Variants in PDCD11 observed in about 807,000 individuals in gnomAD.
PDCD11 encodes the protein protein RRP5 homolog.
In PDCD11, 97 loss-of-function variants were observed where a neutral mutation model predicts 198.9. That is an observed-to-expected ratio of 0.49 (90% CI 0.41 to 0.58). The LOEUF (loss-of-function observed/expected upper bound fraction) is 0.58, where lower values mean the gene tolerates loss of function less well. Among genes scored for constraint, PDCD11 ranks in the 20% least tolerant of loss-of-function variants. The pLI is 0.00. For synonymous variants in PDCD11, 893 were observed against 918.0 expected (o/e 0.97, Z 0.49); for missense variants, 2,102 against 2,312.7 (o/e 0.91, Z 1.87).
chr10:103,414,914 T>C lies in PDCD11; in HGVS notation c.1372-91T>C, dbSNP rs1592121914. ...GGCACAGTTAGCCCAGGAAGTTGGC[T>C]GTGAAGGGGAGGTATGACATGCCTT... On this transcript the variant is annotated intron_variant, in intron 11 of 35. Coordinates refer to ENST00000369797, the MANE Select transcript of PDCD11 (RefSeq NM_014976.2). The C allele has an allele frequency of 1.4e-5, 19 of 1,378,926 alleles. 1 individual carries two copies. In the East Asian group the frequency reaches 4.4e-4, roughly 32 times the overall value. 85.4% of individuals were successfully genotyped at this position (1,378,926 alleles called of 1,614,324 possible). A position where few individuals can be genotyped will look rare whatever the true frequency, so the allele number is the denominator to read the frequency against.
chr10:103,432,678 C>T (rs545291248), intron 22 of PDCD11, among the ~76,000 whole-genome samples: 37 of 152,260 alleles, frequency 2.4e-4, no homozygotes, highest in South Asian at 2.3e-3. Context: ...GTAGGAGAGG[C>T]GGCTGGATTG....
chr10:103,419,708 T>C lies in PDCD11; in HGVS notation c.2277T>C (p.Ala759=), dbSNP rs2031316072. ...GTCTTAGCGGACTGGCCCCAAAAGC[T>C]GTAAGTTCAACTCCATGTACAAGGG... ...PSGLSGLAPK[A]IMSDKFVTST... The change falls in exon 16 of 36, where the codon GCT becomes GCC. Residue 759 remains alanine (A), a splice_region_variant and synonymous_variant. Coordinates refer to ENST00000369797, the MANE Select transcript of PDCD11 (RefSeq NM_014976.2). 6.2e-7 allele frequency: 1 copy of C among 1,613,586 alleles called. No individual in the cohort carries two copies. The highest frequency in any genetic ancestry group is 1.3e-5 in the African/African-American group (1 of 74,874).
chr10:103,434,377 G>A (rs766810341), intron 24 of PDCD11, 27 bp downstream of exon 24: 8 of 1,441,774 alleles, frequency 5.5e-6, no homozygotes, highest in East Asian at 4.5e-5. Flanking sequence ...GTGCCTGGTC[G>A]GGGAAGGGGA....
chr10:103,423,537 C>T lies in PDCD11; in HGVS notation c.2648-6C>T. The T allele has an allele frequency of 6.2e-7, 1 of 1,602,864 alleles. No individual in the cohort carries two copies. Among genetic ancestry groups the T allele is most frequent in the Non-Finnish European group, 8.5e-7 (1 of 1,169,766 alleles). On this transcript the variant is annotated splice_polypyrimidine_tract_variant and splice_region_variant and intron_variant, in intron 18 of 35. Coordinates refer to ENST00000369797, the MANE Select transcript of PDCD11 (RefSeq NM_014976.2). ...AGGATAATCACACTGTGGTTCTGCA[C>T]TGCAGGGCAGGAGGTGGAATCTGGG...
chr10:103,418,937 C>T (rs1256429961), intron 15 of PDCD11, among the ~76,000 whole-genome samples: 1 of 151,618 alleles, frequency 6.6e-6, no homozygotes, highest in African/African-American at 2.4e-5. Flanking sequence ...TCAGTGCCTG[C>T]CCCTTGGGTT....
At chr10:103,407,550 G>C (rs902172013) in intron 7 of PDCD11, among the ~76,000 whole-genome samples, 1 of 152,044 alleles carries the variant, frequency 6.6e-6, no homozygotes, top group South Asian at 2.1e-4. Context: ...GCGACTGTGC[G>C]AGACTCCGTC....
Position 103,423,000 on chromosome 10 carries a change from TC to T in PDCD11, c.2512del (p.Gln838ArgfsTer6). On this transcript the variant is annotated frameshift_variant, in exon 18 of 36. Transcript: ENST00000369797. LOFTEE classifies it high-confidence loss of function. ...SLMSNRDSVL[I>X]QTLAEMTPGM... is the part of the protein sequence containing the mutation. ...GGATCTCTGGCAGACTCTGTGTTGA[TC>T]CAGACGCTGGCCGAGATGACCCCAG... The T allele has an allele frequency of 6.4e-7, 1 of 1,563,248 alleles. No individual in the cohort carries two copies. Among genetic ancestry groups the T allele is most frequent in the Non-Finnish European group, 8.7e-7 (1 of 1,156,012 alleles).
At chr10:103,433,426 G>C (rs2133737325) in intron 22 of PDCD11, among the ~76,000 whole-genome samples, 1 of 152,288 alleles carries the variant, frequency 6.6e-6, no homozygotes, top group East Asian at 1.9e-4. Flanking sequence ...GAACCCAGGA[G>C]GTGGAGATTG....
Position 103,422,989 on chromosome 10 carries a change from C to T in PDCD11, c.2499C>T (p.Asp833=), listed in dbSNP as rs571236772. The T allele has an allele frequency of 5.9e-6, 9 of 1,532,274 alleles. No individual in the cohort carries two copies. The highest frequency in any genetic ancestry group is 2.8e-5 in the African/African-American group (2 of 71,462). 94.9% of individuals were successfully genotyped at this position (1,532,274 alleles called of 1,614,324 possible). ...QGVRSLMSNR[D]SVLIQTLAEM... is the part of the protein sequence containing the mutation. Reference sequence around the variant, plus strand: ...GTGTTTCCTTTGGATCTCTGGCAGACTCTGTGTTGATCCAGACGCTGGCCG... The same window carrying T: ...GTGTTTCCTTTGGATCTCTGGCAGATTCTGTGTTGATCCAGACGCTGGCCG... Residue 833 remains aspartate (D), a splice_region_variant and synonymous_variant, in exon 18 of 36, where the codon GAC becomes GAT. Coordinates refer to ENST00000369797, the MANE Select transcript of PDCD11 (RefSeq NM_014976.2).
At chr10:103,434,639 C>A in intron 24 of PDCD11, 159 bp from the exon 25 acceptor site, 1 of 621,952 alleles carries the variant, frequency 1.6e-6, no homozygotes, top group Non-Finnish European at 2.7e-6. Context: ...TCCTTGGCTA[C>A]ATGGCAGGGT....
In PDCD11 at chr10:103,442,989, G is replaced by T. The variant is rs530144955; in HGVS notation, c.4956-176G>T. On this transcript the variant is annotated intron_variant, in intron 32 of 35. Coordinates refer to ENST00000369797, the MANE Select transcript of PDCD11 (RefSeq NM_014976.2). ...ACTCAGCCATTGGGGTTGGGGCAGG[G>T]GTTTCTAATGCTGCAGGAGCTGTGG... Among the ~76,000 whole-genome samples, 5 of 152,288 alleles carry T rather than the reference G, an allele frequency of 3.3e-5. No homozygotes were observed. In the South Asian group the frequency reaches 1.0e-3, roughly 32 times the overall value.
intron 4 of PDCD11, among the ~76,000 whole-genome samples, chr10:103,403,850 T>C (rs2030272493): frequency 6.6e-6 from 1 of 152,090 alleles, no homozygotes; most frequent in African/African-American, 2.4e-5. Flanking sequence ...CATTGCTTGG[T>C]GATAGATTCA....
chr10:103,414,278 T>C lies in PDCD11; in HGVS notation c.1319T>C (p.Ile440Thr), dbSNP rs750624003. The C allele has an allele frequency of 1.2e-6, 2 of 1,613,730 alleles. No homozygotes were observed. The highest frequency in any genetic ancestry group is 1.1e-5 in the South Asian group (1 of 91,064). ...TTTTCTCCTTGTCCTAGGTCTATTA[T>C]TGAAGCTCAGTACCTTAGATATCAT... ...LALLSLRTSI[I>T]EAQYLRYHDI... Residue 440 changes from isoleucine to threonine, a missense_variant, in exon 11 of 36, where the codon ATT (isoleucine) becomes ACT (threonine). Ile to Thr is a moderately conservative substitution (Grantham distance 89, BLOSUM62 -1). Transcript: ENST00000369797.
At chr10:103,400,782 G>A (rs1016507300) in intron 3 of PDCD11, among the ~76,000 whole-genome samples, 2 of 152,048 alleles carry the variant, frequency 1.3e-5, no homozygotes, top group African/African-American at 4.8e-5. Context: ...AGACAGGCCT[G>A]ACTCTGTTGC....
In PDCD11 at chr10:103,440,505, A is replaced by G. The variant is rs1392606684; in HGVS notation, c.4364A>G (p.Lys1455Arg). 6.2e-7 allele frequency: 1 copy of G among 1,613,758 alleles called. No homozygotes were observed. Among genetic ancestry groups the G allele is most frequent in the East Asian group, 2.2e-5 (1 of 44,884 alleles). The change falls in exon 29 of 36, where the codon AAG (lysine) becomes AGG (arginine). Residue 1455 changes from lysine (K) to arginine (R), a missense_variant. Physicochemically the swap from Lys to Arg is conservative, Grantham distance 26. Coordinates refer to ENST00000369797, the MANE Select transcript of PDCD11 (RefSeq NM_014976.2). ...CAGGAGGAGGTGGAGATGCCCAGCA[A>G]GGAGAAGCAACAGCCCCAGAAGCCA... Reference protein sequence around the residue: ...KGQEEVEMPSKEKQQPQKPQA... With the variant: ...KGQEEVEMPSREKQQPQKPQA...
chr10:103,415,009 C>T lies in PDCD11; in HGVS notation c.1376C>T (p.Thr459Ile). 6.2e-7 allele frequency: 1 copy of T among 1,614,092 alleles called. No homozygotes were observed. The highest frequency in any genetic ancestry group is 8.5e-7 in the Non-Finnish European group (1 of 1,180,016). ...DIEPGAVVKG[T>I]VLTIKSYGML... is the part of the protein sequence containing the mutation. The stretch of plus-strand genomic sequence containing the variant: ...GCTTATCTTTGGATTCTCTAGGGCA[C>T]AGTGCTAACCATAAAGTCATATGGG... Residue 459 changes from threonine to isoleucine, a missense_variant, in exon 12 of 36, where the codon ACA becomes ATA. Coordinates refer to ENST00000369797, the MANE Select transcript of PDCD11 (RefSeq NM_014976.2).
intron 33 of PDCD11, 59 bp downstream of exon 33, chr10:103,443,392 G>C: frequency 6.7e-7 from 1 of 1,494,470 alleles, no homozygotes; most frequent in Non-Finnish European, 9.1e-7. Context: ...TCTCAGAGAA[G>C]AGCCCCTGGG....
intron 21 of PDCD11, among the ~76,000 whole-genome samples, chr10:103,428,344 C>T (rs2031789006): frequency 6.6e-6 from 1 of 151,498 alleles, no homozygotes; most frequent in African/African-American, 2.4e-5. Context: ...ATTCCTGGCA[C>T]ATTGAGTTTC....
intron 20 of PDCD11, among the ~76,000 whole-genome samples, chr10:103,425,840 C>T (rs1485590694): frequency 6.6e-6 from 1 of 152,084 alleles, no homozygotes; most frequent in African/African-American, 2.4e-5. Flanking sequence ...CCACCACGCC[C>T]GGCTAACTTT....
Sources: allele counts gnomAD v4.1 joint callset (sites outside exome capture counted in the v4.1 genomes callset), GRCh38; gene constraint gnomAD v4.1.1; transcripts MANE v1.5; gene names NCBI Gene and HGNC (gene_info 2026-07-23, HGNC 2026-07-21).